Variants in RBM38 observed in about 807,000 individuals in gnomAD.
The protein encoded by RBM38 is RNA-binding protein 38.
In RBM38, 11 loss-of-function variants were observed where a neutral mutation model predicts 23.5. The observed-to-expected ratio is 0.47, with a 90% CI of 0.29 to 0.77. The LOEUF (loss-of-function observed/expected upper bound fraction) is 0.77. Among genes scored for constraint, RBM38 ranks in the 30% least tolerant of loss-of-function variants. The pLI, the probability that RBM38 is intolerant of heterozygous loss-of-function variation, is 0.08. For missense variants in RBM38, 330 were observed against 351.9 expected (o/e 0.94, Z 0.50); for synonymous variants, 165 against 166.1 (o/e 0.99, Z 0.05).
chr20:57,398,180 C>T (rs2067293447), intron 3 of RBM38, among the ~76,000 whole-genome samples: 1 of 152,072 alleles, frequency 6.6e-6, no homozygotes. Context: ...TTTGCAACTT[C>T]TTGGGAGTCT....
At position 57,408,127 on chromosome 20, in the gene RBM38, C is replaced by T. The variant is rs2067407393; in HGVS notation, c.*281C>T. ...TTCCTTGCACACCATGGCAGCCTCT[C>T]CTTGCACCTTCTCCTGCCTCTCCAC... On this transcript the variant is annotated 3_prime_UTR_variant, in exon 4 of 4. Coordinates refer to ENST00000356208, the MANE Select transcript of RBM38 (RefSeq NM_017495.6). 1 of 509,278 alleles carries T rather than the reference C, an allele frequency of 2.0e-6. No homozygotes were observed. The highest frequency in any genetic ancestry group is 3.5e-5 in the East Asian group (1 of 28,408). 31.5% of individuals were successfully genotyped at this position (509,278 alleles called of 1,614,324 possible).
Position 57,408,625 on chromosome 20 carries a change from C to G in RBM38, c.*779C>G, listed in dbSNP as rs755400677. On this transcript the variant is annotated 3_prime_UTR_variant, in exon 4 of 4. Transcript: ENST00000356208. ...GAGACTTGCTTTTGTTGGTTCCGCC[C>G]GTGGAGACGACGATAGTGTTTCTGT... The G allele has an allele frequency of 6.6e-6, 1 of 152,114 alleles. No homozygotes were observed. The highest frequency in any genetic ancestry group is 1.5e-5 in the Non-Finnish European group (1 of 68,066). 9.4% of individuals were successfully genotyped at this position (152,114 alleles called of 1,614,324 possible).
intron 3 of RBM38, among the ~76,000 whole-genome samples, chr20:57,397,806 G>A (rs909085259): frequency 2.0e-5 from 3 of 152,186 alleles, no homozygotes; most frequent in East Asian, 3.8e-4. Context: ...AGAAAGACAC[G>A]GTCCCCGATC....
chr20:57,407,644 C>A lies in RBM38; in HGVS notation c.518C>A (p.Thr173Lys). The A allele has an allele frequency of 6.2e-7, 1 of 1,613,314 alleles. No individual in the cohort carries two copies. Among genetic ancestry groups the A allele is most frequent in the African/African-American group, 1.3e-5 (1 of 75,054 alleles). The change falls in exon 4 of 4, where the codon ACG becomes AAG. Residue 173 changes from threonine (T) to lysine (K), a missense_variant. Transcript: ENST00000356208. This position sits in a 1 kb window ranked among gnomAD's most constrained non-coding sequence, Gnocchi z 4.0. The stretch of plus-strand genomic sequence containing the variant: ...CTGTCCTCGCCCTACATTGAGTACA[C>A]GCCGGCCAGCCCGGCCTACGCCCAG... ...PSLSSPYIEY[T>K]PASPAYAQYP...
At position 57,408,193 on chromosome 20, in the gene RBM38, G is replaced by A. The variant is rs1429268543; in HGVS notation, c.*347G>A. Reference sequence around the variant, plus strand: ...AGGCTTGTGTCCCCACTGCTGCATCGTGGCGGGGTGTCACAGACCCTCTGC... The same window carrying A: ...AGGCTTGTGTCCCCACTGCTGCATCATGGCGGGGTGTCACAGACCCTCTGC... On this transcript the variant is annotated 3_prime_UTR_variant, in exon 4 of 4. Coordinates refer to ENST00000356208, the MANE Select transcript of RBM38 (RefSeq NM_017495.6). The A allele has an allele frequency of 2.8e-5, 11 of 397,320 alleles. No homozygotes were observed. Among genetic ancestry groups the A allele is most frequent in the South Asian group, 1.2e-4 (5 of 41,764 alleles). The allele number at this position is 397,320 out of a possible 1,614,324, so 24.6% of individuals were successfully genotyped here. A position where few individuals can be genotyped will look rare whatever the true frequency, so the allele number is the denominator to read the frequency against.
At chr20:57,404,842 G>T (rs2067365175) in intron 3 of RBM38, among the ~76,000 whole-genome samples, 1 of 152,244 alleles carries the variant, frequency 6.6e-6, no homozygotes, top group African/African-American at 2.4e-5. Context: ...GCATTGGCAG[G>T]TGCCAGGCCC....
At chr20:57,403,296 A>G (rs990286946) in intron 3 of RBM38, among the ~76,000 whole-genome samples, 24 of 152,318 alleles carry the variant, frequency 1.6e-4, no homozygotes, top group African/African-American at 5.5e-4. Flanking sequence ...CCTGTTTGGT[A>G]ACTCAGACAA....
chr20:57,392,880 A>G (rs2067235228), intron 2 of RBM38, 103 bp downstream of exon 2: 1 of 1,482,360 alleles, frequency 6.7e-7, no homozygotes, highest in Non-Finnish European at 9.1e-7. Flanking sequence ...CAGCAGTGGC[A>G]GTCGGCTATC....
intron 3 of RBM38, among the ~76,000 whole-genome samples, chr20:57,396,044 T>C (rs1403907617): frequency 6.6e-6 from 1 of 152,234 alleles, no homozygotes. Flanking sequence ...ACTCTGAAGA[T>C]CCCACAGCTC....
In RBM38 at chr20:57,402,430, G is replaced by A. The variant is rs57930642; in HGVS notation, c.417-5113G>A. ...TGGTGTGGGCATAGGCTGCAGTGGG[G>A]GTGAGTGGGCAGGGCAGTGCCTGGG... On this transcript the variant is annotated intron_variant, in intron 3 of 3. Transcript: ENST00000356208. 2.5e-3 allele frequency among the ~76,000 whole-genome samples: 374 copies of A among 152,358 alleles called. 1 individual carries two copies. The highest frequency in any genetic ancestry group is 8.6e-3 in the African/African-American group (357 of 41,588).
intron 3 of RBM38, among the ~76,000 whole-genome samples, chr20:57,398,035 C>T (rs190454737): frequency 1.5e-4 from 23 of 152,258 alleles, no homozygotes; most frequent in Admixed American, 1.4e-3. Flanking sequence ...GATGATGCAG[C>T]GTGCTGAAGG....
rs754485230 is a variant in RBM38, at chr20:57,393,324, G to A, written c.407G>A (p.Arg136Gln). 9.3e-6 allele frequency: 15 copies of A among 1,613,736 alleles called. No homozygotes were observed. In the African/African-American group the frequency reaches 9.3e-5, roughly 10 times the overall value. The change falls in exon 3 of 4, where the codon CGG becomes CAG. Residue 136 changes from arginine (R) to glutamine (Q), a missense_variant. By Grantham distance (43) the Arg-to-Gln change is conservative. Around this residue, in one of 3 missense-constraint regions of RBM38, gnomAD observed 227 missense variants for 216.4 expected, o/e 1.05. Coordinates refer to ENST00000356208, the MANE Select transcript of RBM38 (RefSeq NM_017495.6). ...CAGCTGCACCCCACCTTGATCCAGCGGACTTACGGGTGAGTGGACATGGCT... is the reference window on the plus strand; with the variant it reads ...CAGCTGCACCCCACCTTGATCCAGCAGACTTACGGGTGAGTGGACATGGCT... The part of the protein sequence containing the change: ...VQQLHPTLIQ[R>Q]TYGLTPHYIY...
In RBM38 at chr20:57,407,288, G is replaced by A. The variant is rs574088726; in HGVS notation, c.417-255G>A. Among the ~76,000 whole-genome samples, 51 of 152,244 alleles carry A rather than the reference G, an allele frequency of 3.3e-4. 1 individual carries two copies. Among genetic ancestry groups the A allele is most frequent in the Admixed American group, 2.2e-3 (33 of 15,290 alleles). ...GATGTGGGGTGTAGGGCTGGGATGC[G>A]GGGGTGCAGTCTGGGAAGGCCTTGC... On this transcript the variant is annotated intron_variant, in intron 3 of 3. Coordinates refer to ENST00000356208, the MANE Select transcript of RBM38 (RefSeq NM_017495.6). This position sits in a 1 kb window ranked among gnomAD's most constrained non-coding sequence, Gnocchi z 4.0.
chr20:57,396,762 T>G (rs2067278801), intron 3 of RBM38, among the ~76,000 whole-genome samples: 1 of 152,210 alleles, frequency 6.6e-6, no homozygotes, highest in African/African-American at 2.4e-5. Flanking sequence ...TCCCCTGGAT[T>G]TAGTGGCATG....
chr20:57,393,223 C>T (rs1432305134), intron 2 of RBM38, 56 bp from the exon 3 acceptor site: 35 of 1,535,668 alleles, frequency 2.3e-5, no homozygotes, highest in Non-Finnish European at 3.0e-5. Context: ...TGTGTGCAGC[C>T]CTTGAGACGT....
chr20:57,402,219 C>T (rs1323695923), intron 3 of RBM38, among the ~76,000 whole-genome samples: 1 of 152,188 alleles, frequency 6.6e-6, no homozygotes, highest in Non-Finnish European at 1.5e-5. Context: ...TGCTGGGATT[C>T]CAGGCGTGGG....
chr20:57,392,590 C>T (rs937486338), intron 1 of RBM38, 64 bp from the exon 2 acceptor site: 7 of 1,544,216 alleles, frequency 4.5e-6, no homozygotes, highest in Non-Finnish European at 5.2e-6. Flanking sequence ...CAGGGCGGAG[C>T]CGTCTGCCCC....
intron 3 of RBM38, among the ~76,000 whole-genome samples, chr20:57,398,487 C>A (rs184233738): frequency 1.3e-5 from 2 of 152,276 alleles, no homozygotes; most frequent in African/African-American, 4.8e-5. Context: ...GGAAGTGACT[C>A]CCCCCAACAC....
intron 3 of RBM38, among the ~76,000 whole-genome samples, chr20:57,405,056 C>A (rs1208377232): frequency 2.0e-5 from 3 of 152,240 alleles, no homozygotes; most frequent in Non-Finnish European, 4.4e-5. Context: ...CGCCCTTGTG[C>A]CGCCATGCTG....
Sources: allele counts gnomAD v4.1 joint callset (sites outside exome capture counted in the v4.1 genomes callset), GRCh38; gene constraint gnomAD v4.1.1; regional missense constraint gnomAD v4.1.1; non-coding constraint Gnocchi (gnomAD v3.1); transcripts MANE v1.5; gene names NCBI Gene and HGNC (gene_info 2026-07-23, HGNC 2026-07-21).